Variants in STRIP1 observed in about 807,000 individuals in gnomAD.
The protein encoded by STRIP1 is striatin interacting protein 1, also known as striatin-interacting protein 1.
In STRIP1, 63 loss-of-function variants were observed where a neutral mutation model predicts 106.2. That is an observed-to-expected ratio of 0.59 (90% CI 0.48 to 0.73). The LOEUF (loss-of-function observed/expected upper bound fraction) is 0.73, where lower values mean the gene tolerates loss of function less well. STRIP1 is among the 30% of genes least tolerant of loss of function. STRIP1 has a pLI of 0.00. For missense variants in STRIP1, 857 were observed against 1,074.8 expected (o/e 0.80, Z 2.83); for synonymous variants, 390 against 413.0 (o/e 0.94, Z 0.67).
intron 10 of STRIP1, among the ~76,000 whole-genome samples, chr1:110,044,605 T>A (rs1652929581): frequency 6.6e-6 from 1 of 152,256 alleles, no homozygotes; most frequent in Non-Finnish European, 1.5e-5. Context: ...CCTTTAATTT[T>A]ATGAATAAAC....
chr1:110,039,560 G>T, intron 5 of STRIP1, 45 bp downstream of exon 5: 1 of 1,566,506 alleles, frequency 6.4e-7, no homozygotes, highest in East Asian at 2.3e-5. Context: ...AGGCTGGGAT[G>T]GGAAGGGGGA....
rs1553193248 is a variant in STRIP1 at position 110,038,087 on chromosome 1, T to TATATATAC, written c.250+134_250+135insCATATATA. 2.6e-5 allele frequency: 4 copies of TATATATAC among 156,614 alleles called. 1 individual carries two copies. The highest frequency in any genetic ancestry group is 1.2e-4 in the African/African-American group (4 of 33,934). 9.7% of individuals were successfully genotyped at this position (156,614 alleles called of 1,614,324 possible). A position where few individuals can be genotyped will look rare whatever the true frequency, so the allele number is the denominator to read the frequency against. ...GTTCTATCAAATATATATATATATA[T>TATATATAC]ATATATATATATATATATATATATA... is the stretch of plus-strand genomic sequence containing the variant. On this transcript the variant is annotated intron_variant, in intron 2 of 20. Transcript: ENST00000369795.
intron 10 of STRIP1, among the ~76,000 whole-genome samples, chr1:110,044,232 G>A (rs142971941): frequency 2.0e-5 from 3 of 152,260 alleles, no homozygotes; most frequent in Non-Finnish European, 2.9e-5. Flanking sequence ...TTTCTTTAGA[G>A]CCATAATGAA....
At position 110,043,863 on chromosome 1, in the gene STRIP1, C is replaced by G. The variant is rs1315507036; in HGVS notation, c.1286+7C>G. 6.2e-7 allele frequency: 1 copy of G among 1,611,766 alleles called. No homozygotes were observed. Among genetic ancestry groups the G allele is most frequent in the South Asian group, 1.1e-5 (1 of 91,038 alleles). On this transcript the variant is annotated splice_region_variant and intron_variant, in intron 10 of 20. Transcript: ENST00000369795. ...CGTGGGCTCCCAAGGTCAGGTGAGT[C>G]TCAGACCTCCAGAGCACTCATAGTT...
At chr1:110,034,562 T>A, upstream of STRIP1, 1 of 1,438,218 alleles carries the variant, frequency 7.0e-7, no homozygotes, top group Non-Finnish European at 9.1e-7. Flanking sequence ...CCAGGGAAAT[T>A]TCCTGGAGAA....
intron 1 of STRIP1, among the ~76,000 whole-genome samples, chr1:110,037,486 A>G (rs961928106): frequency 1.3e-5 from 2 of 152,250 alleles, no homozygotes; most frequent in African/African-American, 2.4e-5. Flanking sequence ...GAATCATAGC[A>G]TCATATGGAA....
chr1:110,041,873 C>T lies in STRIP1; in HGVS notation c.885+12C>T. ...GGAAGACAGTATTGGTGAGCACCTC[C>T]TTGGAGGAGGAGAACGGTGCTATGG... is the stretch of plus-strand genomic sequence containing the variant. On this transcript the variant is annotated intron_variant, in intron 8 of 20. Transcript: ENST00000369795. 6.2e-7 allele frequency: 1 copy of T among 1,613,694 alleles called. No homozygotes were observed. The highest frequency in any genetic ancestry group is 1.3e-5 in the African/African-American group (1 of 75,020).
At position 110,049,173 on chromosome 1, in the gene STRIP1, G is replaced by GCA. The variant is rs1653170799; in HGVS notation, c.1723_1724insCA (p.Val575AlafsTer18). 6.2e-7 allele frequency: 1 copy of GCA among 1,614,066 alleles called. No homozygotes were observed. The highest frequency in any genetic ancestry group is 8.5e-7 in the Non-Finnish European group (1 of 1,180,044). ...TGTAAACCGCCACAAAGAGGTCATT[G>GCA]TTAAGGCCATTTCTGCTGTCCTGCT... On this transcript the variant is annotated frameshift_variant, in exon 16 of 21. Transcript: ENST00000369795. LOFTEE classifies it high-confidence loss of function.
At position 110,050,994 on chromosome 1, in the gene STRIP1, CTT is replaced by C; in HGVS notation, c.1998_1999del (p.Ser667LeufsTer89). ...DSNQFCWRNL[F>X]SCINLLRILN... ...GTAACCAATTTTGCTGGAGGAACCT[CTT>C]TTCTTGTATCAATCTGCTTCGGATC... is the stretch of plus-strand genomic sequence containing the variant. On this transcript the variant is annotated frameshift_variant, in exon 19 of 21. Coordinates refer to ENST00000369795, the MANE Select transcript of STRIP1 (RefSeq NM_033088.4). LOFTEE classifies it high-confidence loss of function. 1 of 1,614,044 alleles carries C rather than the reference CTT, an allele frequency of 6.2e-7. No individual in the cohort carries two copies. The highest frequency in any genetic ancestry group is 8.5e-7 in the Non-Finnish European group (1 of 1,179,860).
Position 110,047,781 on chromosome 1 carries a change from C to T in STRIP1, c.1573C>T (p.Leu525=). The T allele has an allele frequency of 1.3e-6, 2 of 1,568,456 alleles. No individual in the cohort carries two copies. The highest frequency in any genetic ancestry group is 1.2e-5 in the South Asian group (1 of 85,440). ...PSLPQYMIAL[L]KILLAAAPTS... ...GGTCTACTCTTCCCAGATTGCCCTC[C>T]TGAAGATCCTGTTGGCTGCAGCACC... The change falls in exon 15 of 21, where the codon CTG becomes TTG. Residue 525 remains leucine (L), a synonymous_variant. Transcript: ENST00000369795.
intron 15 of STRIP1, among the ~76,000 whole-genome samples, chr1:110,048,532 T>C (rs1347546981): frequency 6.6e-6 from 1 of 152,242 alleles, no homozygotes. Context: ...AGGCAGGGGT[T>C]GGCTAACACC....
At position 110,037,877 on chromosome 1, in the gene STRIP1, C is replaced by G; in HGVS notation, c.181-14C>G. 9 of 1,591,570 alleles carry G rather than the reference C, an allele frequency of 5.7e-6. No homozygotes were observed. The highest frequency in any genetic ancestry group is 7.8e-6 in the Non-Finnish European group (9 of 1,160,290). On this transcript the variant is annotated splice_polypyrimidine_tract_variant and intron_variant, in intron 1 of 20. Coordinates refer to ENST00000369795, the MANE Select transcript of STRIP1 (RefSeq NM_033088.4). Reference sequence around the variant, plus strand: ...ATGATCCTTTTTCCTAAAGCTCTCTCCTCTTGTCAGCAGGGCTATTCGGAG... The same window carrying G: ...ATGATCCTTTTTCCTAAAGCTCTCTGCTCTTGTCAGCAGGGCTATTCGGAG...
chr1:110,037,149 G>A (rs1652498563), intron 1 of STRIP1, among the ~76,000 whole-genome samples: 1 of 152,142 alleles, frequency 6.6e-6, no homozygotes, highest in Non-Finnish European at 1.5e-5. Flanking sequence ...TGGGTATGTT[G>A]TGTCATTTTG....
At chr1:110,033,008 T>G (rs181141185), upstream of STRIP1, among the ~76,000 whole-genome samples, 7 of 152,364 alleles carry the variant, frequency 4.6e-5, no homozygotes, top group Admixed American at 3.9e-4. Flanking sequence ...TATCATTATA[T>G]GGCTCTATCA....
At chr1:110,041,399 A>C in intron 6 of STRIP1, 137 bp from the exon 7 acceptor site, 1 of 630,310 alleles carries the variant, frequency 1.6e-6, no homozygotes. Flanking sequence ...GCTTTTGGCC[A>C]TTCTTGTTCA....
At position 110,043,256 on chromosome 1, in the gene STRIP1, C is replaced by T. The variant is rs1652859798; in HGVS notation, c.1054C>T (p.Arg352Cys). Residue 352 changes from arginine to cysteine, a missense_variant, in exon 9 of 21, where the codon CGC (arginine) becomes TGC (cysteine). Coordinates refer to ENST00000369795, the MANE Select transcript of STRIP1 (RefSeq NM_033088.4). ...DLIEQQQKRG[R>C]REHKALIKQD... ...GATTGAGCAGCAGCAGAAACGGGGC[C>T]GCCGAGAGCACAAGGTGAGGACGAC... 6 of 1,611,280 alleles carry T rather than the reference C, an allele frequency of 3.7e-6. No homozygotes were observed. The highest frequency in any genetic ancestry group is 2.2e-5 in the East Asian group (1 of 44,878).
chr1:110,046,913 G>A (rs930664181), intron 13 of STRIP1, among the ~76,000 whole-genome samples, 162 bp downstream of exon 13: 4 of 152,098 alleles, frequency 2.6e-5, no homozygotes, highest in Non-Finnish European at 5.9e-5. Flanking sequence ...AGCCAGCCGT[G>A]GTGGCGGGCG....
Position 110,049,465 on chromosome 1 carries a change from A to G in STRIP1, c.1794A>G (p.Glu598=). 6.3e-7 allele frequency: 1 copy of G among 1,599,906 alleles called. No individual in the cohort carries two copies. The highest frequency in any genetic ancestry group is 8.5e-7 in the Non-Finnish European group (1 of 1,174,026). ...TTTTTTCCTGTTGGCTTCAGTTTGA[A>G]TACATGGCCCAGCACCTGGTGTTTG... ...HFKLNHVYQF[E]YMAQHLVFAN... The change falls in exon 17 of 21, where the codon GAA becomes GAG. Residue 598 remains glutamate (E), a synonymous_variant. Transcript: ENST00000369795.
At chr1:110,045,961 G>A (rs1207498177) in intron 12 of STRIP1, among the ~76,000 whole-genome samples, 4 of 152,188 alleles carry the variant, frequency 2.6e-5, no homozygotes, top group Admixed American at 6.5e-5. Flanking sequence ...TAAGAGTGGG[G>A]AAGAGGCATC....
Sources: allele counts gnomAD v4.1 joint callset (sites outside exome capture counted in the v4.1 genomes callset), GRCh38; gene constraint gnomAD v4.1.1; transcripts MANE v1.5; gene names NCBI Gene and HGNC (gene_info 2026-07-23, HGNC 2026-07-21).